NR1I2: variants seen among roughly 807,000 people sequenced by gnomAD.
The protein encoded by NR1I2 is orphan nuclear receptor PAR1.
A neutral mutation model predicts 43.3 loss-of-function variants in NR1I2; 42 were observed. That is an observed-to-expected ratio of 0.97 (90% CI 0.76 to 1.26). The LOEUF (loss-of-function observed/expected upper bound fraction) is 1.26, where lower values mean the gene tolerates loss of function less well. Among genes scored for constraint, NR1I2 ranks in the 50% most tolerant of loss-of-function variants. The pLI is 0.00. For missense variants in NR1I2, 559 were observed against 566.7 expected (o/e 0.99, Z 0.14); for synonymous variants, 229 against 215.0 (o/e 1.06, Z -0.57).
intron 8 of NR1I2, among the ~76,000 whole-genome samples, chr3:119,816,604 TG>T (rs981211426): frequency 1.3e-5 from 2 of 152,118 alleles, no homozygotes; most frequent in African/African-American, 4.8e-5. Flanking sequence ...GAGGATCCCT[TG>T]GGGCCAGGAG....
At chr3:119,782,830 G>A (rs919666267) in intron 1 of NR1I2, 1 of 1,613,972 alleles carries the variant, frequency 6.2e-7, no homozygotes, top group Non-Finnish European at 8.5e-7. Flanking sequence ...GCACAGTGCT[G>A]CGGCTGAGTT....
In NR1I2 at chr3:119,793,294, C is replaced by T. The variant is rs76140955; in HGVS notation, c.-23+10994C>T. The stretch of plus-strand genomic sequence containing the variant: ...ACTGTAACTCTGGAAACTTGCTGCC[C>T]ACCCATTCTCTTCTAGCCAAAGTCC... On this transcript the variant is annotated intron_variant, in intron 1 of 8. Transcript: ENST00000393716. Among the ~76,000 whole-genome samples, 559 of 152,240 alleles carry T rather than the reference C, an allele frequency of 3.7e-3. 4 individuals carry two copies. The highest frequency in any genetic ancestry group is 0.013 in the African/African-American group (542 of 41,510).
intron 2 of NR1I2, 121 bp downstream of exon 2, chr3:119,807,568 C>G: frequency 1.2e-6 from 1 of 802,660 alleles, no homozygotes; most frequent in South Asian, 1.4e-5. Context: ...ACCCAAAGGC[C>G]TTGTAATTAG....
At chr3:119,809,371 G>A (rs900800818) in intron 2 of NR1I2, among the ~76,000 whole-genome samples, 5 of 151,888 alleles carry the variant, frequency 3.3e-5, no homozygotes, top group African/African-American at 9.7e-5. Context: ...CGTGGGTCCC[G>A]CCTGCACGCT....
chr3:119,815,405 T>C lies in NR1I2; in HGVS notation c.1020T>C (p.Tyr340=). The change falls in exon 7 of 9, where the codon TAT becomes TAC. Residue 340 remains tyrosine (Y), a synonymous_variant. Transcript: ENST00000393716. ...AGCTGCAGCTGCATGAGGAGGAGTATGTGCTGATGCAGGCCATCTCCCTCT... is the reference window on the plus strand; with the variant it reads ...AGCTGCAGCTGCATGAGGAGGAGTACGTGCTGATGCAGGCCATCTCCCTCT... The C allele has an allele frequency of 6.2e-7, 1 of 1,613,222 alleles. No individual in the cohort carries two copies. The highest frequency in any genetic ancestry group is 8.5e-7 in the Non-Finnish European group (1 of 1,179,936).
intron 1 of NR1I2, among the ~76,000 whole-genome samples, chr3:119,800,718 G>T (rs183971134): frequency 6.6e-6 from 1 of 152,168 alleles, no homozygotes; most frequent in African/African-American, 2.4e-5. Context: ...TGGCAGTAAG[G>T]TTCCTCGGTC....
At chr3:119,805,249 T>G (rs1221540908) in intron 1 of NR1I2, among the ~76,000 whole-genome samples, 1 of 152,156 alleles carries the variant, frequency 6.6e-6, no homozygotes, top group African/African-American at 2.4e-5. Context: ...TTTTGGTTTG[T>G]TTTGTTTTGT....
At chr3:119,795,942 T>C (rs4687886) in intron 1 of NR1I2, among the ~76,000 whole-genome samples, 14,391 of 152,218 alleles carry the variant, frequency 0.095, 1,535 homozygotes, top group African/African-American at 0.26. Context: ...ACCCAATTCC[T>C]GTTTGGCCCA....
Position 119,812,969 on chromosome 3 carries a change from T to C in NR1I2, c.794+9T>C, listed in dbSNP as rs1424521255. On this transcript the variant is annotated intron_variant, in intron 5 of 8. Transcript: ENST00000393716. ...GTCATCTCCTACTTCAGGTAGGACA[T>C]GGAGACTGGGTGGTTGGGTGTGGAA... is the stretch of plus-strand genomic sequence containing the variant. The C allele has an allele frequency of 1.9e-6, 3 of 1,612,374 alleles. No homozygotes were observed. Among genetic ancestry groups the C allele is most frequent in the East Asian group, 2.2e-5 (1 of 44,884 alleles).
intron 4 of NR1I2, among the ~76,000 whole-genome samples, chr3:119,812,342 A>T (rs1053454615): frequency 6.6e-6 from 1 of 152,018 alleles, no homozygotes; most frequent in African/African-American, 2.4e-5. Flanking sequence ...AGCACCCTAA[A>T]CCTTCTGAGT....
chr3:119,798,911 T>C (rs2055038953), intron 1 of NR1I2, among the ~76,000 whole-genome samples: 1 of 152,230 alleles, frequency 6.6e-6, no homozygotes, highest in Admixed American at 6.5e-5. Flanking sequence ...ATATTAGTAT[T>C]CCAGGTGCAT....
At chr3:119,812,361 C>G (rs925736336) in intron 4 of NR1I2, among the ~76,000 whole-genome samples, 15 of 152,148 alleles carry the variant, frequency 9.9e-5, no homozygotes, top group Admixed American at 9.2e-4. Context: ...GTCTCCTGAG[C>G]CCAACATCTG....
chr3:119,793,489 G>A lies in NR1I2; in HGVS notation c.-23+11189G>A, dbSNP rs369917443. 1.3e-5 allele frequency among the ~76,000 whole-genome samples: 2 copies of A among 152,314 alleles called. 1 individual carries two copies. Among genetic ancestry groups the A allele is most frequent in the African/African-American group, 4.8e-5 (2 of 41,574 alleles). On this transcript the variant is annotated intron_variant, in intron 1 of 8. Coordinates refer to ENST00000393716, the MANE Select transcript of NR1I2 (RefSeq NM_003889.4). ...AGGCTGCCTTCTGGAGGCTGTAGGG[G>A]AGGATCAGTTTCCTCACCTCTTCCA...
At chr3:119,813,105 G>A in intron 5 of NR1I2, 145 bp downstream of exon 5, 1 of 937,516 alleles carries the variant, frequency 1.1e-6, no homozygotes, top group Non-Finnish European at 1.6e-6. Flanking sequence ...CGGGCAGCCA[G>A]TGCTGCTGGG....
At chr3:119,799,751 GCA>G (rs2055051231) in intron 1 of NR1I2, among the ~76,000 whole-genome samples, 1 of 152,122 alleles carries the variant, frequency 6.6e-6, no homozygotes, top group African/African-American at 2.4e-5. Flanking sequence ...AGGCTGAGGG[GCA>G]TGGATCACCT....
At chr3:119,797,227 A>G (rs1346396843) in intron 1 of NR1I2, among the ~76,000 whole-genome samples, 1 of 78,376 alleles carries the variant, frequency 1.3e-5, no homozygotes. Flanking sequence ...TCCCCTTCTC[A>G]TTCTTATGAA....
chr3:119,789,514 G>A (rs1207999573), intron 1 of NR1I2, among the ~76,000 whole-genome samples: 2 of 152,330 alleles, frequency 1.3e-5, no homozygotes, highest in South Asian at 2.1e-4. Flanking sequence ...CATGAGAACA[G>A]TATTGGGGGA....
chr3:119,807,375 G>C lies in NR1I2; in HGVS notation c.125G>C (p.Arg42Pro). 2 of 1,614,216 alleles carry C rather than the reference G, an allele frequency of 1.2e-6. No individual in the cohort carries two copies. The highest frequency in any genetic ancestry group is 2.2e-5 in the East Asian group (1 of 44,892). ...GAAGTCGGAGGTCCCCAAATCTGCC[G>C]TGTATGTGGGGACAAGGCCACTGGC... Residue 42 changes from arginine (R) to proline (P), a missense_variant, in exon 2 of 9, where the codon CGT (arginine) becomes CCT (proline). Transcript: ENST00000393716.
intron 1 of NR1I2, among the ~76,000 whole-genome samples, chr3:119,805,825 GT>G (rs2055151947): frequency 6.6e-6 from 1 of 151,906 alleles, no homozygotes; most frequent in South Asian, 2.1e-4. Context: ...TTGGCTTGAG[GT>G]TTTTGTGAAC....
Sources: allele counts gnomAD v4.1 joint callset (sites outside exome capture counted in the v4.1 genomes callset), GRCh38; gene constraint gnomAD v4.1.1; transcripts MANE v1.5; gene names NCBI Gene and HGNC (gene_info 2026-07-23, HGNC 2026-07-21).